Variants in DNAJB11 observed in about 807,000 individuals in gnomAD.
The protein encoded by DNAJB11 is dnaJ homolog subfamily B member 11.
Under a neutral mutation model 47.2 loss-of-function variants are expected in DNAJB11, and 30 were observed. That is an observed-to-expected ratio of 0.64 (90% CI 0.48 to 0.86). The LOEUF (loss-of-function observed/expected upper bound fraction) is 0.86. Among genes scored for constraint, DNAJB11 ranks in the 40% least tolerant of loss-of-function variants. DNAJB11 has a pLI of 0.00. For missense variants in DNAJB11, 357 were observed against 440.2 expected (o/e 0.81, Z 1.69); for synonymous variants, 151 against 159.9 (o/e 0.94, Z 0.42).
intron 5 of DNAJB11, 125 bp from the exon 6 acceptor site, chr3:186,581,870 C>T (rs1715497298): frequency 2.6e-6 from 2 of 756,586 alleles, no homozygotes; most frequent in East Asian, 2.7e-5. Context: ...ATAGTTTTGT[C>T]AAGTAGAGGC....
chr3:186,581,120 T>G (rs889994936), intron 4 of DNAJB11: 20 of 404,450 alleles, frequency 4.9e-5, no homozygotes, highest in Admixed American at 2.6e-4. Context: ...TTCGGTTCTC[T>G]TGTTTCTTAC....
chr3:186,575,803 A>G (rs1219735367), intron 2 of DNAJB11, 37 bp from the exon 3 acceptor site: 3 of 1,524,740 alleles, frequency 2.0e-6, no homozygotes, highest in East Asian at 2.3e-5. Context: ...GATATTACCA[A>G]CTCATGATCT....
chr3:186,577,938 A>G (rs1560236066), intron 4 of DNAJB11, 138 bp downstream of exon 4: 2 of 668,026 alleles, frequency 3.0e-6, no homozygotes, highest in Non-Finnish European at 4.8e-6. Context: ...TGAATTAATT[A>G]TAATGCTTGG....
Position 186,581,401 on chromosome 3 carries a change from G to T in DNAJB11, c.487G>T (p.Ala163Ser), listed in dbSNP as rs1715478984. Residue 163 changes from alanine (A) to serine (S), a missense_variant, in exon 5 of 10, where the codon GCT becomes TCT. Transcript: ENST00000265028. The part of the protein sequence containing the change: ...VVRNKPVARQ[A>S]PGKRKCNCRQ... ...TAGAAACAAACCTGTGGCAAGGCAG[G>T]CTCCTGGCAAACGGAAGTGCAATTG... 5.0e-6 allele frequency: 8 copies of T among 1,613,852 alleles called. No individual in the cohort carries two copies. Among genetic ancestry groups the T allele is most frequent in the African/African-American group, 2.7e-5 (2 of 74,912 alleles).
Position 186,575,876 on chromosome 3 carries a change from A to G in DNAJB11, c.262A>G (p.Thr88Ala), listed in dbSNP as rs1017346758. 1.2e-6 allele frequency: 2 copies of G among 1,613,892 alleles called. No individual in the cohort carries two copies. Among genetic ancestry groups the G allele is most frequent in the African/African-American group, 2.7e-5 (2 of 74,922 alleles). The change falls in exon 3 of 10, where the codon ACT (threonine) becomes GCT (alanine). Residue 88 changes from threonine to alanine, a missense_variant. Coordinates refer to ENST00000265028, the MANE Select transcript of DNAJB11 (RefSeq NM_016306.6). ...SDSEKRKQYD[T>A]YGEEGLKDGH... Reference sequence around the variant, plus strand: ...TAGTGAGAAACGGAAACAGTACGATACTTATGGTGAAGAAGGATTAAAAGA... The same window carrying G: ...TAGTGAGAAACGGAAACAGTACGATGCTTATGGTGAAGAAGGATTAAAAGA...
Position 186,577,760 on chromosome 3 carries a change from A to G in DNAJB11, c.416A>G (p.Glu139Gly). Residue 139 changes from glutamate (E) to glycine (G), a missense_variant, in exon 4 of 10, where the codon GAA becomes GGA. Physicochemically the swap from Glu to Gly is moderately conservative, Grantham distance 98 (BLOSUM62 -2). Transcript: ENST00000265028. Reference sequence around the variant, plus strand: ...GGAAGTGATATTATTGTAGATCTAGAAGTCACTTTGGAAGAAGTATATGCA... The same window carrying G: ...GGAAGTGATATTATTGTAGATCTAGGAGTCACTTTGGAAGAAGTATATGCA... ...PRGSDIIVDL[E>G]VTLEEVYAGN... 6.2e-7 allele frequency: 1 copy of G among 1,608,746 alleles called. No individual in the cohort carries two copies. Among genetic ancestry groups the G allele is most frequent in the Non-Finnish European group, 8.5e-7 (1 of 1,177,962 alleles).
chr3:186,575,811 T>A (rs1469847280), intron 2 of DNAJB11, 29 bp from the exon 3 acceptor site: 1 of 1,563,504 alleles, frequency 6.4e-7, no homozygotes, highest in Non-Finnish European at 8.8e-7. Context: ...CAACTCATGA[T>A]CTTTTCCTCC....
chr3:186,583,667 C>T (rs1028452302), intron 7 of DNAJB11, among the ~76,000 whole-genome samples, 198 bp from the exon 8 acceptor site: 2 of 152,176 alleles, frequency 1.3e-5, no homozygotes, highest in African/African-American at 4.8e-5. Flanking sequence ...CTGGCTTTTG[C>T]TGATTGTGTG....
At chr3:186,583,599 C>T (rs1002444132) in intron 7 of DNAJB11, among the ~76,000 whole-genome samples, 6 of 152,182 alleles carry the variant, frequency 3.9e-5, no homozygotes, top group Admixed American at 2.6e-4. Context: ...AGATGATCTC[C>T]CCAGAAGCTG....
rs1276019415 is a variant in DNAJB11 at position 186,585,452 on chromosome 3, A to C, written c.*44A>C. The C allele has an allele frequency of 1.2e-5, 17 of 1,447,506 alleles. No homozygotes were observed. The highest frequency in any genetic ancestry group is 1.5e-5 in the Non-Finnish European group (16 of 1,048,898). 89.7% of individuals were successfully genotyped at this position (1,447,506 alleles called of 1,614,324 possible). On this transcript the variant is annotated 3_prime_UTR_variant, in exon 10 of 10. Coordinates refer to ENST00000265028, the MANE Select transcript of DNAJB11 (RefSeq NM_016306.6). ...TTTGTTTAAAATAAGTGAATAAGCG[A>C]TATTTATTATCTGCAAGGTTTTTTT...
In DNAJB11 at chr3:186,570,741, A is replaced by C. The variant is rs868587136; in HGVS notation, c.-157A>C. The C allele has an allele frequency of 1.3e-5, 9 of 670,746 alleles. No individual in the cohort carries two copies. Among genetic ancestry groups the C allele is most frequent in the Admixed American group, 1.2e-4 (4 of 33,446 alleles). The allele number at this position is 670,746 out of a possible 1,614,324, so 41.5% of individuals were successfully genotyped here. A position where few individuals can be genotyped will look rare whatever the true frequency, so the allele number is the denominator to read the frequency against. On this transcript the variant is annotated 5_prime_UTR_variant, in exon 1 of 10. Transcript: ENST00000265028. Reference sequence around the variant, plus strand: ...CGGGACTCCCGGGAAGTGGACCGGCAGAAGAGGGGGCTAGCTAGCTGTCTC... The same window carrying C: ...CGGGACTCCCGGGAAGTGGACCGGCCGAAGAGGGGGCTAGCTAGCTGTCTC...
intron 1 of DNAJB11, 50 bp downstream of exon 1, chr3:186,571,015 T>TTGGGGG: frequency 1.4e-5 from 2 of 144,538 alleles, no homozygotes; most frequent in East Asian, 1.6e-4. Context: ...CAGCCTTTGC[T>TTGGGGG]GGGGGGTGGG....
chr3:186,582,212 G>A (rs756926511), intron 6 of DNAJB11, 135 bp downstream of exon 6: 7 of 678,366 alleles, frequency 1.0e-5, no homozygotes, highest in East Asian at 2.8e-5. Context: ...AACACTCTTC[G>A]GCCAATTTTA....
Position 186,577,827 on chromosome 3 carries a change from T to A in DNAJB11, c.456+27T>A, listed in dbSNP as rs200362931. 2.6e-5 allele frequency: 41 copies of A among 1,552,546 alleles called. 2 individuals carry two copies. The Admixed American group carries it at 6.4e-4, about 24-fold the overall frequency. On this transcript the variant is annotated intron_variant, in intron 4 of 9. Transcript: ENST00000265028. ...TAAGTTCAAACAATATAGCTGTTCA[T>A]ATTGACTCCCAGAACTTGCACTTTT...
chr3:186,575,368 C>CGCGCGTGTGTGTGT (rs1406330956), intron 2 of DNAJB11, among the ~76,000 whole-genome samples: 9 of 143,458 alleles, frequency 6.3e-5, no homozygotes, highest in Non-Finnish European at 1.2e-4. Flanking sequence ...CGCGCGCGCG[C>CGCGCGTGTGTGTGT]GTGTGTGTGT....
intron 1 of DNAJB11, among the ~76,000 whole-genome samples, chr3:186,571,167 C>T (rs1420078051): frequency 6.6e-6 from 1 of 151,930 alleles, no homozygotes; most frequent in Non-Finnish European, 1.5e-5. Context: ...AGTGAGAGGG[C>T]CTTAGGTCCA....
rs377652060 is a variant in DNAJB11, at chr3:186,584,313, ATTCT to A, written c.853-110_853-107del. 4,243 of 1,059,820 alleles carry A rather than the reference ATTCT, an allele frequency of 4.0e-3. 12 individuals carry two copies. The highest frequency in any genetic ancestry group is 4.6e-3 in the Admixed American group (132 of 28,866). 65.7% of individuals were successfully genotyped at this position (1,059,820 alleles called of 1,614,324 possible). ...TTAATGGTATTTCCTTTGCTCCTTC[ATTCT>A]TTCTTTTTGCTGAGCTGTGACATTA... On this transcript the variant is annotated intron_variant, in intron 8 of 9. Coordinates refer to ENST00000265028, the MANE Select transcript of DNAJB11 (RefSeq NM_016306.6).
intron 4 of DNAJB11, chr3:186,578,156 T>C (rs930957493): frequency 2.0e-5 from 3 of 153,658 alleles, no homozygotes; most frequent in Admixed American, 1.3e-4. Flanking sequence ...ATATATTGTT[T>C]ATTATATTGT....
At chr3:186,573,245 A>C (rs1483054018) in intron 2 of DNAJB11, among the ~76,000 whole-genome samples, 1 of 152,224 alleles carries the variant, frequency 6.6e-6, no homozygotes, top group Non-Finnish European at 1.5e-5. Flanking sequence ...GAAGACACAA[A>C]CCTTGAAAGG....
Sources: gnomAD v4.1 joint callset for allele counts (sites outside exome capture counted in the v4.1 genomes callset) on GRCh38, gnomAD v4.1.1 for gene constraint, MANE v1.5 for transcripts, NCBI Gene and HGNC (gene_info 2026-07-23, HGNC 2026-07-21) for gene names.